TRABD2B: variants seen among roughly 807,000 people sequenced by gnomAD.
TRABD2B encodes the protein TraB domain containing 2B, also known as metalloprotease TIKI2.
In TRABD2B, 14 loss-of-function variants were observed where a neutral mutation model predicts 40.1. The observed-to-expected ratio is 0.35, with a 90% CI of 0.23 to 0.55. The LOEUF is 0.55. Among genes scored for constraint, TRABD2B ranks in the 20% least tolerant of loss-of-function variants. TRABD2B has a pLI of 0.90. For synonymous variants in TRABD2B, 263 were observed against 277.0 expected, an observed-to-expected ratio of 0.95 and a Z score of 0.50; for missense variants, 541 against 648.6, an observed-to-expected ratio of 0.83 and a Z score of 1.80.
chr1:47,804,692 G>A (rs1331616028), intron 2 of TRABD2B, among the ~76,000 whole-genome samples: 1 of 152,142 alleles, frequency 6.6e-6, no homozygotes, highest in African/African-American at 2.4e-5. Flanking sequence ...AAACAGTCCT[G>A]GCATGTAGTA....
At chr1:47,766,370 A>G (rs1454128755) in intron 6 of TRABD2B, among the ~76,000 whole-genome samples, 2 of 152,090 alleles carry the variant, frequency 1.3e-5, no homozygotes, top group African/African-American at 2.4e-5. Flanking sequence ...TCAGCCACTC[A>G]GATGTCACCA....
At chr1:47,812,485 T>C (rs548483393) in intron 2 of TRABD2B, among the ~76,000 whole-genome samples, 1 of 152,128 alleles carries the variant, frequency 6.6e-6, no homozygotes, top group East Asian at 1.9e-4. Flanking sequence ...CCCAGCACTT[T>C]GCGGGGCTGA....
chr1:47,995,524 G>A (rs1444538447), intron 1 of TRABD2B, among the ~76,000 whole-genome samples: 1 of 151,786 alleles, frequency 6.6e-6, no homozygotes, highest in African/African-American at 2.4e-5. Context: ...GTGTGTGCGC[G>A]TGTGTGTGTA....
At chr1:47,821,364 A>T (rs1645106623) in intron 2 of TRABD2B, among the ~76,000 whole-genome samples, 1 of 152,212 alleles carries the variant, frequency 6.6e-6, no homozygotes, top group South Asian at 2.1e-4. Context: ...CCATGTTCTC[A>T]TCTGAAAAAA....
At chr1:47,959,929 A>T (rs565914379) in intron 2 of TRABD2B, among the ~76,000 whole-genome samples, 1 of 152,328 alleles carries the variant, frequency 6.6e-6, no homozygotes, top group East Asian at 1.9e-4. Flanking sequence ...ATTTTAGACC[A>T]ATATCCCTAA....
chr1:47,923,773 G>T, intron 2 of TRABD2B, among the ~76,000 whole-genome samples: 1 of 152,104 alleles, frequency 6.6e-6, no homozygotes, highest in East Asian at 1.9e-4. Flanking sequence ...AGGGAATTCT[G>T]CCAGCAGATA....
rs559726544 is a variant in TRABD2B, at chr1:47,941,784, A to G, written c.666+52250T>C. ...GGTTTGAGTCCCTTCTCTGCCACAT[A>G]CTATCTGTGTGACCCTGGGCAAGTA... is the stretch of plus-strand genomic sequence containing the variant. On this transcript the variant is annotated intron_variant, in intron 2 of 6. Coordinates refer to ENST00000606738, the MANE Select transcript of TRABD2B (RefSeq NM_001194986.2). Among the ~76,000 whole-genome samples the G allele has an allele frequency of 5.3e-5, 8 of 152,314 alleles. No individual in the cohort carries two copies. The East Asian group carries it at 1.5e-3, about 29-fold the overall frequency.
At chr1:47,853,076 T>C (rs970814537) in intron 2 of TRABD2B, among the ~76,000 whole-genome samples, 1 of 152,134 alleles carries the variant, frequency 6.6e-6, no homozygotes, top group African/African-American at 2.4e-5. Context: ...AGAAAAGCCT[T>C]TTCTAATGAA....
At chr1:47,806,083 C>T (rs891985461) in intron 2 of TRABD2B, among the ~76,000 whole-genome samples, 6 of 152,220 alleles carry the variant, frequency 3.9e-5, no homozygotes, top group African/African-American at 1.2e-4. Flanking sequence ...TTTGAAATTA[C>T]GTCTGGCACC....
At chr1:47,788,099 C>T (rs2124170096) in intron 4 of TRABD2B, among the ~76,000 whole-genome samples, 1 of 152,174 alleles carries the variant, frequency 6.6e-6, no homozygotes, top group Middle Eastern at 3.4e-3. Flanking sequence ...GATTTACTGA[C>T]CAGCCAAATG....
intron 6 of TRABD2B, among the ~76,000 whole-genome samples, chr1:47,766,521 A>T (rs1372028608): frequency 6.6e-6 from 1 of 152,206 alleles, no homozygotes; most frequent in African/African-American, 2.4e-5. Context: ...AAACACGCAG[A>T]AAACAAGACA....
intron 2 of TRABD2B, among the ~76,000 whole-genome samples, chr1:47,839,060 C>T (rs1027930621): frequency 8.5e-5 from 13 of 152,168 alleles, no homozygotes; most frequent in Non-Finnish European, 1.6e-4. Flanking sequence ...TAAGCCACAC[C>T]CTTGGCGTCA....
intron 2 of TRABD2B, among the ~76,000 whole-genome samples, chr1:47,916,112 C>T (rs1395348479): frequency 6.6e-6 from 1 of 150,508 alleles, no homozygotes; most frequent in Non-Finnish European, 1.5e-5. Flanking sequence ...CAGCAGTGGA[C>T]AATGGCTGCT....
At chr1:47,812,510 C>T (rs1557586650) in intron 2 of TRABD2B, among the ~76,000 whole-genome samples, 1 of 152,030 alleles carries the variant, frequency 6.6e-6, no homozygotes, top group African/African-American at 2.4e-5. Flanking sequence ...GGAGGATGGC[C>T]AGAAGTTTGA....
rs1202779061 is a variant in TRABD2B, at chr1:47,994,148, G to A, written c.552C>T (p.Pro184=). The change falls in exon 2 of 7, where the codon CCC becomes CCT. Residue 184 remains proline, a synonymous_variant. Coordinates refer to ENST00000606738, the MANE Select transcript of TRABD2B (RefSeq NM_001194986.2). The surrounding 1 kb of genome is among the most constrained non-coding windows in gnomAD (Gnocchi z 6.7). ...GCTGGGCCAGGTAGAGGTCGAGCAC[G>A]GGCACACCACGGAAGCGCACGTCCC... ...TERDVRFRGV[P]VLDLYLAQQA... 30 of 1,536,318 alleles carry A rather than the reference G, an allele frequency of 2.0e-5. No homozygotes were observed. The highest frequency in any genetic ancestry group is 5.5e-5 in the African/African-American group (4 of 73,040).
chr1:47,892,181 G>C (rs746205719), intron 2 of TRABD2B, among the ~76,000 whole-genome samples: 4 of 152,234 alleles, frequency 2.6e-5, no homozygotes, highest in Non-Finnish European at 4.4e-5. Flanking sequence ...AGGGTGGGGA[G>C]AAGTAGTGGA....
At chr1:47,979,730 G>A (rs1203873192) in intron 2 of TRABD2B, among the ~76,000 whole-genome samples, 1 of 152,192 alleles carries the variant, frequency 6.6e-6, no homozygotes, top group Non-Finnish European at 1.5e-5. Context: ...CTCCAGCAAC[G>A]ACGTTAGAAA....
chr1:47,827,640 C>T (rs1323846565), intron 2 of TRABD2B, among the ~76,000 whole-genome samples: 1 of 152,202 alleles, frequency 6.6e-6, no homozygotes, highest in Admixed American at 6.5e-5. Flanking sequence ...ATAATCAGAA[C>T]AGCCACTTGT....
At position 47,882,694 on chromosome 1, in the gene TRABD2B, C is replaced by T. The variant is rs890194968; in HGVS notation, c.667-81075G>A. The stretch of plus-strand genomic sequence containing the variant: ...TTCAGTCCTGGCCTTAACAGGAGAG[C>T]TCTGTGAACGCTAACATGCCATGCA... On this transcript the variant is annotated intron_variant, in intron 2 of 6. Transcript: ENST00000606738. 5.9e-5 allele frequency among the ~76,000 whole-genome samples: 9 copies of T among 152,226 alleles called. 1 individual carries two copies. The South Asian group carries it at 1.7e-3, about 28-fold the overall frequency.
Sources: gnomAD v4.1 joint callset for allele counts (sites outside exome capture counted in the v4.1 genomes callset) on GRCh38, gnomAD v4.1.1 for gene constraint, Gnocchi (gnomAD v3.1) non-coding constraint, MANE v1.5 for transcripts, NCBI Gene and HGNC (gene_info 2026-07-23, HGNC 2026-07-21) for gene names.